Variants in CUBN observed in about 807,000 individuals in gnomAD.
CUBN encodes the protein 460 kDa receptor.
A neutral mutation model predicts 405.3 loss-of-function variants in CUBN; 282 were observed. The ratio of observed to expected loss-of-function variants is 0.70; its 90% CI spans 0.63 to 0.77. The LOEUF (loss-of-function observed/expected upper bound fraction) is 0.77. CUBN is among the 30% of genes least tolerant of loss of function. The probability of loss-of-function intolerance (pLI) is 0.00; values close to 1 mark genes in which losing one functional copy is unlikely to be tolerated. For missense variants in CUBN, 4,514 were observed against 4,475.2 expected, an observed-to-expected ratio of 1.01 and a Z score of -0.25; for synonymous variants, 1,684 against 1,617.0, an observed-to-expected ratio of 1.04 and a Z score of -0.99.
chr10:16,947,285 A>C lies in CUBN; in HGVS notation c.5292T>G (p.Cys1764Trp), dbSNP rs758833994. The C allele has an allele frequency of 1.2e-6, 2 of 1,614,122 alleles. No homozygotes were observed. Among genetic ancestry groups the C allele is most frequent in the Non-Finnish European group, 1.7e-6 (2 of 1,179,984 alleles). The change falls in exon 36 of 67, where the codon TGT becomes TGG. Residue 1764 changes from cysteine (C) to tryptophan (W), a missense_variant. By Grantham distance (215) the Cys-to-Trp change is radical (BLOSUM62 -2). Coordinates refer to ENST00000377833, the MANE Select transcript of CUBN (RefSeq NM_001081.4). ...YPDIYPPNVECVWNIVSSPGN... is the reference protein window; with the variant it reads ...YPDIYPPNVEWVWNIVSSPGN... ...CAGGGGAACTGACGATGTTCCAGAC[A>C]CATTCCACATTAGGGGGATAAATGT...
At position 16,918,628 on chromosome 10, in the gene CUBN, A is replaced by T; in HGVS notation, c.6994T>A (p.Ser2332Thr). The T allele has an allele frequency of 6.2e-7, 1 of 1,613,126 alleles. No individual in the cohort carries two copies. The highest frequency in any genetic ancestry group is 8.5e-7 in the Non-Finnish European group (1 of 1,179,274). Residue 2332 changes from serine to threonine, a missense_variant, in exon 45 of 67, where the codon TCT (serine) becomes ACT (threonine). Ser to Thr is a moderately conservative substitution (Grantham distance 58). This residue lies in a region of CUBN where 1,613 missense variants were observed against 1,542.8 expected (regional missense o/e 1.05). Coordinates refer to ENST00000377833, the MANE Select transcript of CUBN (RefSeq NM_001081.4). ...GTTTTAAAAAAATTATTACCTATAG[A>T]ATACTTGGCCTTGAATCCCACATGT... ...PTHVGFKAKY[S>T]IAQCGGRVPG... is the part of the protein sequence containing the mutation.
At chr10:16,889,775 A>G (rs967072218) in intron 55 of CUBN, among the ~76,000 whole-genome samples, 4 of 151,584 alleles carry the variant, frequency 2.6e-5, no homozygotes, top group Non-Finnish European at 5.9e-5. Flanking sequence ...GGTGGCACAC[A>G]CCTGTAGTCC....
intron 59 of CUBN, among the ~76,000 whole-genome samples, chr10:16,863,506 A>T (rs901872799): frequency 3.3e-5 from 5 of 152,214 alleles, no homozygotes; most frequent in Non-Finnish European, 7.3e-5. Context: ...TACTTCTAAC[A>T]GTAACGTGAG....
At chr10:17,115,246 A>G (rs1836865671) in intron 7 of CUBN, among the ~76,000 whole-genome samples, 1 of 12,690 alleles carries the variant, frequency 7.9e-5, no homozygotes, top group Non-Finnish European at 5.5e-4. Context: ...TCCATCTCAA[A>G]AAAAAAAAAA....
intron 45 of CUBN, among the ~76,000 whole-genome samples, chr10:16,916,322 C>T (rs571169560): frequency 3.9e-5 from 6 of 152,312 alleles, no homozygotes; most frequent in African/African-American, 1.4e-4. Flanking sequence ...TCTTTTGGGA[C>T]ACTATGTAAG....
chr10:17,046,135 A>C (rs758030631), intron 23 of CUBN, 41 bp from the exon 24 acceptor site: 2 of 1,547,662 alleles, frequency 1.3e-6, no homozygotes, highest in Admixed American at 1.7e-5. Context: ...GGTTACTGAC[A>C]ATATTACTGT....
chr10:16,952,524 A>T, intron 32 of CUBN, 135 bp from the exon 33 acceptor site: 1 of 674,468 alleles, frequency 1.5e-6, no homozygotes, highest in Non-Finnish European at 2.7e-6. Context: ...AAAGTTCTCC[A>T]TAAGGAGAGC....
rs1159774649 is a variant in CUBN at position 16,876,880 on chromosome 10, T to A, written c.9106+17A>T. On this transcript the variant is annotated intron_variant, in intron 57 of 66. Coordinates refer to ENST00000377833, the MANE Select transcript of CUBN (RefSeq NM_001081.4). ...GAAAAGAAGAAAATTCCAAACTCTG[T>A]CATTATGGCTACTCACAGATTATCC... is the stretch of plus-strand genomic sequence containing the variant. 1 of 1,608,696 alleles carries A rather than the reference T, an allele frequency of 6.2e-7. No homozygotes were observed. The highest frequency in any genetic ancestry group is 1.3e-5 in the African/African-American group (1 of 74,888).
At chr10:16,949,925 G>C (rs1204991084) in intron 34 of CUBN, 76 bp downstream of exon 34, 14 of 1,061,140 alleles carry the variant, frequency 1.3e-5, no homozygotes, top group African/African-American at 4.7e-5. Context: ...ACCTAGAATG[G>C]CAGCCTATAA....
chr10:17,092,115 G>A (rs1213902894), intron 14 of CUBN, among the ~76,000 whole-genome samples: 5 of 152,088 alleles, frequency 3.3e-5, no homozygotes, highest in Non-Finnish European at 5.9e-5. Context: ...TGACCCATAG[G>A]AAACAGACTG....
intron 53 of CUBN, 113 bp from the exon 54 acceptor site, chr10:16,899,296 T>C (rs961296539): frequency 4.8e-6 from 4 of 832,694 alleles, no homozygotes; most frequent in South Asian, 4.2e-5. Context: ...CATCATTTTT[T>C]ACAAGTGATC....
intron 60 of CUBN, among the ~76,000 whole-genome samples, chr10:16,850,633 G>C (rs1306179164): frequency 6.6e-6 from 1 of 151,968 alleles, no homozygotes; most frequent in South Asian, 2.1e-4. Context: ...CGCCACACCC[G>C]GCTAATTTTT....
chr10:16,917,273 T>G (rs1362885761), intron 45 of CUBN, among the ~76,000 whole-genome samples: 1 of 152,166 alleles, frequency 6.6e-6, no homozygotes, highest in African/African-American at 2.4e-5. Context: ...ACATACTGCA[T>G]TTCTTCCTTT....
intron 62 of CUBN, 58 bp from the exon 63 acceptor site, chr10:16,836,440 T>C (rs1331239965): frequency 6.7e-7 from 1 of 1,486,432 alleles, no homozygotes; most frequent in Non-Finnish European, 9.4e-7. Context: ...GAACAGGCCA[T>C]AACAGAAATT....
intron 21 of CUBN, among the ~76,000 whole-genome samples, chr10:17,067,412 A>G (rs1835634390): frequency 6.6e-6 from 1 of 152,144 alleles, no homozygotes; most frequent in African/African-American, 2.4e-5. Context: ...GACATTGCAT[A>G]AGAAAAGATG....
intron 27 of CUBN, among the ~76,000 whole-genome samples, chr10:17,034,828 T>C (rs370688096): frequency 1.8e-4 from 27 of 152,200 alleles, no homozygotes; most frequent in African/African-American, 5.1e-4. Flanking sequence ...CTATGAGATG[T>C]CTTGTTCCCC....
intron 16 of CUBN, 84 bp downstream of exon 16, chr10:17,085,513 G>T: frequency 1.5e-6 from 2 of 1,322,438 alleles, no homozygotes; most frequent in Non-Finnish European, 2.2e-6. Flanking sequence ...GTCATCCTCT[G>T]AATCACATTA....
intron 31 of CUBN, among the ~76,000 whole-genome samples, chr10:16,961,726 T>C (rs1416436039): frequency 2.2e-5 from 3 of 136,260 alleles, no homozygotes; most frequent in Non-Finnish European, 1.6e-5. Flanking sequence ...TTTTTTTTTT[T>C]TTTGAGACGG....
At chr10:16,859,097 T>G (rs145213948) in intron 59 of CUBN, among the ~76,000 whole-genome samples, 31 of 152,190 alleles carry the variant, frequency 2.0e-4, no homozygotes, top group African/African-American at 6.5e-4. Flanking sequence ...AAAAACATGA[T>G]CTATAAAAGA....
Sources: allele counts gnomAD v4.1 joint callset (sites outside exome capture counted in the v4.1 genomes callset), GRCh38; gene constraint gnomAD v4.1.1; regional missense constraint gnomAD v4.1.1; transcripts MANE v1.5; gene names NCBI Gene and HGNC (gene_info 2026-07-23, HGNC 2026-07-21).